Variants in ANO4 observed in about 807,000 individuals in gnomAD.
ANO4 encodes the protein anoctamin-4.
ANO4 carries 69 observed loss-of-function variants against 141.9 expected under a neutral mutation model. That is an observed-to-expected ratio of 0.49 (90% CI 0.40 to 0.59). The LOEUF is 0.59. ANO4 is among the 20% of genes least tolerant of loss of function. ANO4 has a pLI of 0.00. For synonymous variants in ANO4, 350 were observed against 394.3 expected (o/e 0.89, Z 1.33); for missense variants, 894 against 1,162.2 (o/e 0.77, Z 3.36).
intron 1 of ANO4, among the ~76,000 whole-genome samples, chr12:100,839,035 G>C (rs1251921968): frequency 2.0e-5 from 3 of 152,050 alleles, no homozygotes; most frequent in African/African-American, 7.2e-5. Flanking sequence ...TACTTAGGAA[G>C]ATAAGCCTAT....
chr12:101,074,521 A>G (rs1250920799), intron 14 of ANO4, among the ~76,000 whole-genome samples: 1 of 152,246 alleles, frequency 6.6e-6, no homozygotes, highest in African/African-American at 2.4e-5. Context: ...TGGAAAATAC[A>G]ATATATGTAG....
intron 17 of ANO4, among the ~76,000 whole-genome samples, chr12:101,088,536 T>C (rs2136911292): frequency 6.6e-6 from 1 of 152,328 alleles, no homozygotes; most frequent in East Asian, 1.9e-4. Context: ...GTTTATTTTT[T>C]TTTCACTGTT....
intron 3 of ANO4, among the ~76,000 whole-genome samples, chr12:100,767,593 C>T (rs1315662125): frequency 6.6e-6 from 1 of 152,152 alleles, no homozygotes; most frequent in African/African-American, 2.4e-5. Flanking sequence ...TATGAATATA[C>T]TGGATAAAGG....
rs371144822 is a variant in ANO4, at chr12:100,766,654, C to G, written c.358+26549C>G. 1.4e-4 allele frequency among the ~76,000 whole-genome samples: 21 copies of G among 152,078 alleles called. No homozygotes were observed. In the East Asian group the frequency reaches 1.9e-3, roughly 14 times the overall value. On this transcript the variant is annotated intron_variant, in intron 3 of 29. Transcript: ENST00000644049. ...AATTTTTTAAGACTTACTTTATGGC[C>G]TAATATGTGATCTATCCTGAAGAAT...
chr12:101,084,193 T>C (rs1044848598), intron 16 of ANO4, among the ~76,000 whole-genome samples: 1 of 152,216 alleles, frequency 6.6e-6, no homozygotes, highest in African/African-American at 2.4e-5. Context: ...GTAAGAAATA[T>C]ATTCTCTGTC....
intron 3 of ANO4, among the ~76,000 whole-genome samples, chr12:100,776,503 G>A (rs1381553594): frequency 6.6e-6 from 1 of 152,124 alleles, no homozygotes. Flanking sequence ...TTTCATTGGG[G>A]GATACAGGGG....
At chr12:101,037,021 C>A in intron 9 of ANO4, 74 bp from the exon 10 acceptor site, 2 of 1,450,650 alleles carry the variant, frequency 1.4e-6, no homozygotes, top group South Asian at 1.2e-5. Context: ...AAAAGCACCA[C>A]ACTTATATTT....
rs1404935350 is a variant in ANO4 at position 101,083,768 on chromosome 12, A to C, written c.1486A>C (p.Thr496Pro). The C allele has an allele frequency of 6.2e-7, 1 of 1,602,614 alleles. No homozygotes were observed. The highest frequency in any genetic ancestry group is 8.5e-7 in the Non-Finnish European group (1 of 1,177,398). Residue 496 changes from threonine to proline, a missense_variant, in exon 16 of 28, where the codon ACA (threonine) becomes CCA (proline). By Grantham distance (38) the Thr-to-Pro change is conservative (BLOSUM62 -1). Transcript: ENST00000392977. ...AAAGCCAGAACCTTATCAAGCATTTACAGATAAATGCAGCAGACTTATCGT... is the reference window on the plus strand; with the variant it reads ...AAAGCCAGAACCTTATCAAGCATTTCCAGATAAATGCAGCAGACTTATCGT... ...SGKPEPYQAFTDKCSRLIVSA... is the reference protein window; with the variant it reads ...SGKPEPYQAFPDKCSRLIVSA...
At position 100,837,719 on chromosome 12, in the gene ANO4, C is replaced by CT. The variant is rs1189542738; in HGVS notation, c.-141+42693dup. Among the ~76,000 whole-genome samples, 6 of 39,192 alleles carry CT rather than the reference C, an allele frequency of 1.5e-4. No homozygotes were observed. In the South Asian group the frequency reaches 4.5e-3, roughly 29 times the overall value. The allele number at this position is 39,192 out of a possible 152,430, so 25.7% of individuals were successfully genotyped here. On this transcript the variant is annotated intron_variant, in intron 1 of 27. Coordinates refer to ENST00000392977, the MANE Select transcript of ANO4 (RefSeq NM_001286615.2). ...TGGGTGGCTGAGGGAGACCTTGTCT[C>CT]TAAAAAAAAAAAAAAAAAAAGCTCG... is the stretch of plus-strand genomic sequence containing the variant.
intron 3 of ANO4, among the ~76,000 whole-genome samples, chr12:100,772,307 G>A (rs966501375): frequency 2.6e-5 from 4 of 152,294 alleles, no homozygotes; most frequent in East Asian, 1.9e-4. Context: ...TTAGAAGATC[G>A]AAAGGGCGTT....
chr12:101,019,913 G>C (rs138269404), intron 8 of ANO4, 121 bp from the exon 9 acceptor site: 1 of 762,128 alleles, frequency 1.3e-6, no homozygotes, highest in Non-Finnish European at 2.3e-6. Context: ...GGCTGTTCCA[G>C]ACACACCCTG....
intron 3 of ANO4, among the ~76,000 whole-genome samples, chr12:100,745,872 CA>C (rs1293968721): frequency 6.6e-6 from 1 of 152,072 alleles, no homozygotes; most frequent in Non-Finnish European, 1.5e-5. Flanking sequence ...TATGGTGAGT[CA>C]GCAAAAATCA....
intron 4 of ANO4, 49 bp downstream of exon 4, chr12:100,939,500 A>G (rs780500574): frequency 3.1e-6 from 5 of 1,597,330 alleles, no homozygotes; most frequent in Middle Eastern, 3.3e-4. Context: ...CCAGGCAGGA[A>G]CCTGTGAAGC....
intron 16 of ANO4, 87 bp downstream of exon 16, chr12:101,083,905 C>G: frequency 7.9e-7 from 1 of 1,272,736 alleles, no homozygotes; most frequent in Non-Finnish European, 1.0e-6. Context: ...TTGCATTGTT[C>G]TACAAAATAT....
At chr12:100,885,310 G>A (rs1188501046) in intron 1 of ANO4, 1 of 152,218 alleles carries the variant, frequency 6.6e-6, no homozygotes, top group Non-Finnish European at 1.5e-5. Flanking sequence ...TCAGTGTATT[G>A]GATTCACTGT....
chr12:101,117,131 G>C (rs1339718937), intron 25 of ANO4, among the ~76,000 whole-genome samples: 2 of 152,216 alleles, frequency 1.3e-5, no homozygotes, highest in African/African-American at 4.8e-5. Flanking sequence ...GGCGGGTTGA[G>C]CGACAGCTGT....
At chr12:100,940,314 A>G (rs2042460564) in intron 4 of ANO4, among the ~76,000 whole-genome samples, 1 of 152,106 alleles carries the variant, frequency 6.6e-6, no homozygotes, top group Non-Finnish European at 1.5e-5. Context: ...AAGGGACCTC[A>G]GACAGCAACT....
chr12:101,101,452 T>C (rs1487024354), intron 22 of ANO4, among the ~76,000 whole-genome samples: 1 of 152,046 alleles, frequency 6.6e-6, no homozygotes. Context: ...ACCCTCATCT[T>C]TCCTTAGTCA....
At chr12:100,982,816 A>G (rs990882508) in intron 7 of ANO4, among the ~76,000 whole-genome samples, 1 of 152,252 alleles carries the variant, frequency 6.6e-6, no homozygotes, top group Non-Finnish European at 1.5e-5. Context: ...GGTTATCATT[A>G]ATTCAAGTTT....
Sources: allele counts gnomAD v4.1 joint callset (sites outside exome capture counted in the v4.1 genomes callset), GRCh38; gene constraint gnomAD v4.1.1; transcripts MANE v1.5; gene names NCBI Gene and HGNC (gene_info 2026-07-23, HGNC 2026-07-21).